The following UBL3 variants were observed in gnomAD, a reference collection of about 807,000 sequenced individuals.
The protein encoded by UBL3 is ubiquitin-like protein 3.
In UBL3, 6 loss-of-function variants were observed where a neutral mutation model predicts 18.4. The ratio of observed to expected loss-of-function variants is 0.33; its 90% CI spans 0.18 to 0.64. The LOEUF (loss-of-function observed/expected upper bound fraction) is 0.64. UBL3 is among the 30% of genes least tolerant of loss of function. The pLI is 0.76. For missense variants in UBL3, 109 were observed against 142.9 expected (o/e 0.76, Z 1.21); for synonymous variants, 49 against 46.6 (o/e 1.05, Z -0.21).
At chr13:29,820,957 G>A (rs1878419572) in intron 1 of UBL3, among the ~76,000 whole-genome samples, 1 of 152,134 alleles carries the variant, frequency 6.6e-6, no homozygotes, top group Non-Finnish European at 1.5e-5. Flanking sequence ...AGAATGCCAG[G>A]GTTTGAATCC....
chr13:29,846,594 C>G (rs1380465103), intron 1 of UBL3, among the ~76,000 whole-genome samples: 1 of 152,010 alleles, frequency 6.6e-6, no homozygotes, highest in Non-Finnish European at 1.5e-5. Flanking sequence ...GTCATAATCA[C>G]GGCCATAAAA....
At chr13:29,804,910 A>G (rs1877863103) in intron 1 of UBL3, among the ~76,000 whole-genome samples, 1 of 152,244 alleles carries the variant, frequency 6.6e-6, no homozygotes. Flanking sequence ...AATGCATTCG[A>G]TCATTCCTAC....
intron 1 of UBL3, 143 bp downstream of exon 1, chr13:29,849,369 G>A (rs1337764796): frequency 1.1e-5 from 12 of 1,069,020 alleles, no homozygotes; most frequent in Non-Finnish European, 1.6e-5. Flanking sequence ...GGGGAAACCA[G>A]AAGCTCCAAC....
intron 1 of UBL3, among the ~76,000 whole-genome samples, chr13:29,793,935 C>G (rs1030417672): frequency 3.3e-5 from 5 of 152,156 alleles, no homozygotes; most frequent in South Asian, 2.1e-4. Context: ...ACCTCCACCC[C>G]CCAGGTTCAA....
chr13:29,825,632 A>G (rs1316539510), intron 1 of UBL3, among the ~76,000 whole-genome samples: 3 of 152,186 alleles, frequency 2.0e-5, no homozygotes, highest in African/African-American at 7.2e-5. Flanking sequence ...TAAATATACA[A>G]TCATGTCATC....
chr13:29,805,768 G>T (rs1235000522), intron 1 of UBL3, among the ~76,000 whole-genome samples: 1 of 151,992 alleles, frequency 6.6e-6, no homozygotes, highest in South Asian at 2.1e-4. Flanking sequence ...TTATATACAG[G>T]CTAGACTTTT....
intron 2 of UBL3, 98 bp downstream of exon 2, chr13:29,777,057 T>C: frequency 3.1e-6 from 3 of 956,828 alleles, no homozygotes; most frequent in Non-Finnish European, 4.5e-6. Context: ...TTTTCGGTTG[T>C]TCTTTTAAAT....
intron 1 of UBL3, among the ~76,000 whole-genome samples, chr13:29,830,249 T>C (rs1878738813): frequency 6.6e-6 from 1 of 152,234 alleles, no homozygotes; most frequent in South Asian, 2.1e-4. Flanking sequence ...TAAGCATTTC[T>C]TCCAGAAATG....
At chr13:29,841,214 T>C (rs996854628) in intron 1 of UBL3, among the ~76,000 whole-genome samples, 1 of 151,758 alleles carries the variant, frequency 6.6e-6, no homozygotes, top group Admixed American at 6.6e-5. Context: ...AAATATATAT[T>C]TACTTAAGAC....
chr13:29,785,204 C>T (rs991927531), intron 1 of UBL3, among the ~76,000 whole-genome samples: 5 of 152,152 alleles, frequency 3.3e-5, no homozygotes, highest in Non-Finnish European at 7.4e-5. Context: ...CCATGCCTGG[C>T]CTATCATTAT....
intron 1 of UBL3, among the ~76,000 whole-genome samples, chr13:29,791,901 C>A (rs1303797345): frequency 6.6e-6 from 1 of 152,146 alleles, no homozygotes; most frequent in Non-Finnish European, 1.5e-5. Flanking sequence ...AAATCATGGT[C>A]CTTGAAGGTA....
At chr13:29,818,596 GTGTT>G (rs1417690283) in intron 1 of UBL3, among the ~76,000 whole-genome samples, 1 of 152,100 alleles carries the variant, frequency 6.6e-6, no homozygotes, top group Non-Finnish European at 1.5e-5. Context: ...TTTCAAAAAA[GTGTT>G]TGTTTCCTTA....
chr13:29,843,126 A>G (rs1013380153), intron 1 of UBL3, among the ~76,000 whole-genome samples: 4 of 152,212 alleles, frequency 2.6e-5, no homozygotes, highest in Admixed American at 2.6e-4. Context: ...AAATGCTCAG[A>G]AATCTTTAGT....
intron 1 of UBL3, among the ~76,000 whole-genome samples, chr13:29,821,822 T>C (rs949778625): frequency 5.3e-5 from 8 of 152,208 alleles, no homozygotes; most frequent in Non-Finnish European, 1.0e-4. Flanking sequence ...ATTATCTGAC[T>C]GCACATAAAT....
chr13:29,826,054 T>A (rs1431047185), intron 1 of UBL3, among the ~76,000 whole-genome samples: 1 of 152,202 alleles, frequency 6.6e-6, no homozygotes, highest in African/African-American at 2.4e-5. Context: ...GCCCACTTGA[T>A]CATGGTGGAT....
chr13:29,835,120 ATAT>A (rs1878904790), intron 1 of UBL3, among the ~76,000 whole-genome samples: 2 of 26,148 alleles, frequency 7.6e-5, no homozygotes, highest in South Asian at 1.3e-3. Flanking sequence ...ATATATATAT[ATAT>A]AAATATATAT....
chr13:29,805,506 C>G (rs1877878394), intron 1 of UBL3, among the ~76,000 whole-genome samples: 1 of 152,154 alleles, frequency 6.6e-6, no homozygotes, highest in Admixed American at 6.5e-5. Flanking sequence ...GCTCTTACAC[C>G]CCCAATACTA....
At chr13:29,845,894 T>G (rs184830324) in intron 1 of UBL3, among the ~76,000 whole-genome samples, 16 of 152,266 alleles carry the variant, frequency 1.1e-4, no homozygotes, top group Non-Finnish European at 1.9e-4. Flanking sequence ...CTTAAAGTTT[T>G]CAATGTAATA....
At chr13:29,812,199 C>T (rs1307512892) in intron 1 of UBL3, among the ~76,000 whole-genome samples, 1 of 151,978 alleles carries the variant, frequency 6.6e-6, no homozygotes, top group African/African-American at 2.4e-5. Flanking sequence ...CCATGTAAAC[C>T]TTCCCTTTCA....
Sources: allele counts gnomAD v4.1 joint callset (sites outside exome capture counted in the v4.1 genomes callset), GRCh38; gene constraint gnomAD v4.1.1; transcripts MANE v1.5; gene names NCBI Gene and HGNC (gene_info 2026-07-23, HGNC 2026-07-21).